Variants in OR6Y1 observed in about 807,000 individuals in gnomAD.
OR6Y1 encodes the protein olfactory receptor 6Y1.
Under a neutral mutation model 0.4 loss-of-function variants are expected in OR6Y1, and 1 was observed. The observed-to-expected ratio is 2.74, with a 90% CI of 0.97 to 13.02. The LOEUF (loss-of-function observed/expected upper bound fraction) is 13.02. Ranked by LOEUF, OR6Y1 falls within the 30% of genes most tolerant of loss-of-function variation. The pLI, the probability that OR6Y1 is intolerant of heterozygous loss-of-function variation, is 0.12. For missense variants in OR6Y1, 480 were observed against 399.8 expected (o/e 1.20, Z -1.71); for synonymous variants, 173 against 141.1 (o/e 1.23, Z -1.60).
Position 158,544,563 on chromosome 1 carries a change from G to A in OR6Y1, c.*2565C>T, listed in dbSNP as rs958591715. ...AATTTAACTTTTATTTTAAGTTCAGGGGTACATGTGTAGGTTTATTATATA... is the reference window on the plus strand; with the variant it reads ...AATTTAACTTTTATTTTAAGTTCAGAGGTACATGTGTAGGTTTATTATATA... On this transcript the variant is annotated 3_prime_UTR_variant, in exon 2 of 2. Coordinates refer to ENST00000641622, the MANE Select transcript of OR6Y1 (RefSeq NM_001005189.2). 5 of 151,942 alleles carry A rather than the reference G, an allele frequency of 3.3e-5. No homozygotes were observed. The highest frequency in any genetic ancestry group is 7.3e-5 in the African/African-American group (3 of 41,364). The allele number at this position is 151,942 out of a possible 1,614,324, so 9.4% of individuals were successfully genotyped here. A position where few individuals can be genotyped will look rare whatever the true frequency, so the allele number is the denominator to read the frequency against.
rs1647591366 is a variant in OR6Y1 at position 158,547,787 on chromosome 1, A to G, written c.319T>C (p.Tyr107His). The part of the protein sequence containing the change: ...ISFNGCMTQL[Y>H]FFVTFVCTEY... Reference sequence around the variant, plus strand: ...GTGCAGACAAAGGTCACAAAAAAGTAAAGTTGAGTCATGCAGCCATTGAAG... The same window carrying G: ...GTGCAGACAAAGGTCACAAAAAAGTGAAGTTGAGTCATGCAGCCATTGAAG... The change falls in exon 2 of 2, where the codon TAC (tyrosine) becomes CAC (histidine). Residue 107 changes from tyrosine (Y) to histidine (H), a missense_variant. By Grantham distance (83) the Tyr-to-His change is moderately conservative. Transcript: ENST00000641622. The G allele has an allele frequency of 1.2e-6, 2 of 1,613,428 alleles. No individual in the cohort carries two copies. Among genetic ancestry groups the G allele is most frequent in the African/African-American group, 1.3e-5 (1 of 74,382 alleles).
At position 158,548,838 on chromosome 1, in the gene OR6Y1, T is replaced by A. The variant is rs1259937787; in HGVS notation, c.-733A>T. On this transcript the variant is annotated 5_prime_UTR_variant, in exon 2 of 2. Coordinates refer to ENST00000641622, the MANE Select transcript of OR6Y1 (RefSeq NM_001005189.2). ...GAGAGTACCACATAATCTTTTAGAA[T>A]ATTAGTTACTTTATTTCTAAAATGG... 2.6e-5 allele frequency: 4 copies of A among 151,884 alleles called. No homozygotes were observed. The highest frequency in any genetic ancestry group is 9.7e-5 in the African/African-American group (4 of 41,154). 9.4% of individuals were successfully genotyped at this position (151,884 alleles called of 1,614,324 possible).
In OR6Y1 at chr1:158,548,189, A is replaced by C; in HGVS notation, c.-84T>G. On this transcript the variant is annotated 5_prime_UTR_variant, in exon 2 of 2. Coordinates refer to ENST00000641622, the MANE Select transcript of OR6Y1 (RefSeq NM_001005189.2). Reference sequence around the variant, plus strand: ...GTTATTTGTATTGATAGAGCCCACCACCAGCAAATTTATCACAATAGGAGG... The same window carrying C: ...GTTATTTGTATTGATAGAGCCCACCCCCAGCAAATTTATCACAATAGGAGG... 1 of 1,395,104 alleles carries C rather than the reference A, an allele frequency of 7.2e-7. No individual in the cohort carries two copies. Among genetic ancestry groups the C allele is most frequent in the South Asian group, 1.4e-5 (1 of 71,016 alleles). The allele number at this position is 1,395,104 out of a possible 1,614,324, so 86.4% of individuals were successfully genotyped here. A position where few individuals can be genotyped will look rare whatever the true frequency, so the allele number is the denominator to read the frequency against.
chr1:158,553,358 A>G (rs1647748585), intron 1 of OR6Y1, among the ~76,000 whole-genome samples: 1 of 152,114 alleles, frequency 6.6e-6, no homozygotes, highest in Admixed American at 6.5e-5. Context: ...CTGTAGGATG[A>G]CTGTAGTTAA....
Position 158,547,768 on chromosome 1 carries a change from A to G in OR6Y1, c.338T>C (p.Val113Ala), listed in dbSNP as rs111273908. The part of the protein sequence containing the change: ...MTQLYFFVTF[V>A]CTEYILLAIM... ...AGCAAGAAGGATGTACTCAGTGCAG[A>G]CAAAGGTCACAAAAAAGTAAAGTTG... The change falls in exon 2 of 2, where the codon GTC becomes GCC. Residue 113 changes from valine to alanine, a missense_variant. Coordinates refer to ENST00000641622, the MANE Select transcript of OR6Y1 (RefSeq NM_001005189.2). The G allele has an allele frequency of 1.3e-4, 208 of 1,613,590 alleles. 3 individuals are homozygous for G. The African/African-American group carries it at 2.4e-3, about 18-fold the overall frequency.
chr1:158,545,863 C>A lies in OR6Y1; in HGVS notation c.*1265G>T, dbSNP rs1647515636. 1 of 151,954 alleles carries A rather than the reference C, an allele frequency of 6.6e-6. No homozygotes were observed. The highest frequency in any genetic ancestry group is 1.5e-5 in the Non-Finnish European group (1 of 67,988). The allele number at this position is 151,954 out of a possible 1,614,324, so 9.4% of individuals were successfully genotyped here. A position where few individuals can be genotyped will look rare whatever the true frequency, so the allele number is the denominator to read the frequency against. On this transcript the variant is annotated 3_prime_UTR_variant, in exon 2 of 2. Transcript: ENST00000641622. ...AAAAATTGCTGAGGTTTATTGGCTC[C>A]AGTATTAGTTTCCTAGGGCTGCCAT...
rs1031815861 is a variant in OR6Y1 at position 158,546,272 on chromosome 1, C to T, written c.*856G>A. On this transcript the variant is annotated 3_prime_UTR_variant, in exon 2 of 2. Coordinates refer to ENST00000641622, the MANE Select transcript of OR6Y1 (RefSeq NM_001005189.2). ...GAGAGACTGGGGTTAGGACAACATA[C>T]TTTTTTGGAGGGAGGGAGGAGTGGG... is the stretch of plus-strand genomic sequence containing the variant. 6.6e-6 allele frequency: 1 copy of T among 152,102 alleles called. No homozygotes were observed. The highest frequency in any genetic ancestry group is 2.4e-5 in the African/African-American group (1 of 41,418). 9.4% of individuals were successfully genotyped at this position (152,102 alleles called of 1,614,324 possible). A position where few individuals can be genotyped will look rare whatever the true frequency, so the allele number is the denominator to read the frequency against.
In OR6Y1 at chr1:158,547,257, G is replaced by A; in HGVS notation, c.849C>T (p.Tyr283=). 13 of 1,613,738 alleles carry A rather than the reference G, an allele frequency of 8.1e-6. No homozygotes were observed. Among genetic ancestry groups the A allele is most frequent in the Non-Finnish European group, 1.1e-5 (13 of 1,179,984 alleles). Residue 283 remains tyrosine, a synonymous_variant, in exon 2 of 2, where the codon TAC becomes TAT. Transcript: ENST00000641622. ...GGTTGAGGAGTGGAACAATGACAGT[G>A]TAGAGAACAGATACCACTTTGTTGG... ...YNSNKVVSVL[Y]TVIVPLLNPI...
chr1:158,546,520 T>C lies in OR6Y1; in HGVS notation c.*608A>G, dbSNP rs112320335. On this transcript the variant is annotated 3_prime_UTR_variant, in exon 2 of 2. Transcript: ENST00000641622. Reference sequence around the variant, plus strand: ...TTTGTTTTTAAACGCCTTAACAAATTAGTCATTTATGTTATTTGGAGGGAA... The same window carrying C: ...TTTGTTTTTAAACGCCTTAACAAATCAGTCATTTATGTTATTTGGAGGGAA... The C allele has an allele frequency of 1.3e-5, 2 of 152,252 alleles. No homozygotes were observed. The highest frequency in any genetic ancestry group is 4.8e-5 in the African/African-American group (2 of 41,554). 9.4% of individuals were successfully genotyped at this position (152,252 alleles called of 1,614,324 possible). A position where few individuals can be genotyped will look rare whatever the true frequency, so the allele number is the denominator to read the frequency against.
In OR6Y1 at chr1:158,548,243, G is replaced by A; in HGVS notation, c.-138C>T. The A allele has an allele frequency of 1.3e-6, 1 of 766,516 alleles. No individual in the cohort carries two copies. Among genetic ancestry groups the A allele is most frequent in the Non-Finnish European group, 2.1e-6 (1 of 483,142 alleles). The allele number at this position is 766,516 out of a possible 1,614,324, so 47.5% of individuals were successfully genotyped here. On this transcript the variant is annotated 5_prime_UTR_variant, in exon 2 of 2. An upstream open reading frame in the 5' UTR gains an earlier in-frame stop. Transcript: ENST00000641622. ...CTGCTTTTTTATCTTACTGCCTCTTGAATTATGAAGAGAACCAAAGCTTTT... is the reference window on the plus strand; with the variant it reads ...CTGCTTTTTTATCTTACTGCCTCTTAAATTATGAAGAGAACCAAAGCTTTT...
rs753757437 is a variant in OR6Y1, at chr1:158,547,726, C to T, written c.380G>A (p.Arg127His). The T allele has an allele frequency of 1.6e-5, 26 of 1,613,322 alleles. 2 individuals carry two copies. The highest frequency in any genetic ancestry group is 1.5e-4 in the African/African-American group (11 of 74,358). The change falls in exon 2 of 2, where the codon CGC (arginine) becomes CAC (histidine). Residue 127 changes from arginine to histidine, a missense_variant. Coordinates refer to ENST00000641622, the MANE Select transcript of OR6Y1 (RefSeq NM_001005189.2). ...YILLAIMAFD[R>H]YVAICNPLRY... ...TAGTGGATTACAAATGGCTACATAG[C>T]GGTCAAAGGCCATGATAGCAAGAAG...
In OR6Y1 at chr1:158,548,415, C is replaced by A. The variant is rs1286567222; in HGVS notation, c.-310G>T. 1 of 227,400 alleles carries A rather than the reference C, an allele frequency of 4.4e-6. No homozygotes were observed. The highest frequency in any genetic ancestry group is 8.6e-6 in the Non-Finnish European group (1 of 115,666). The allele number at this position is 227,400 out of a possible 1,614,324, so 14.1% of individuals were successfully genotyped here. Reference sequence around the variant, plus strand: ...TTTACCAATATATCACTTTTGGGCACATAAATGGTCTCCAGACCACCCTTT... The same window carrying A: ...TTTACCAATATATCACTTTTGGGCAAATAAATGGTCTCCAGACCACCCTTT... On this transcript the variant is annotated 5_prime_UTR_variant, in exon 2 of 2. An upstream start codon of the reference 5' UTR is lost. Coordinates refer to ENST00000641622, the MANE Select transcript of OR6Y1 (RefSeq NM_001005189.2).
At chr1:158,550,957 A>G (rs1447399345) in intron 1 of OR6Y1, among the ~76,000 whole-genome samples, 1 of 151,904 alleles carries the variant, frequency 6.6e-6, no homozygotes, top group Non-Finnish European at 1.5e-5. Context: ...ATTAGCACCA[A>G]TGTCACAGTG....
In OR6Y1 at chr1:158,550,607, TGTTAAA is replaced by T. The variant is rs543029852; in HGVS notation, c.-1432-1076_-1432-1071del. ...ATATATAGAATTATATTTTGATAAG[TGTTAAA>T]GTTAATGTATAAAGAGGTAGAGTGC... On this transcript the variant is annotated intron_variant, in intron 1 of 1. Transcript: ENST00000641622. Among the ~76,000 whole-genome samples, 48 of 151,680 alleles carry T rather than the reference TGTTAAA, an allele frequency of 3.2e-4. 1 individual carries two copies. In the East Asian group the frequency reaches 6.6e-3, roughly 21 times the overall value.
chr1:158,551,088 G>A (rs1647692194), intron 1 of OR6Y1, among the ~76,000 whole-genome samples: 1 of 150,528 alleles, frequency 6.6e-6, no homozygotes, highest in African/African-American at 2.5e-5. Flanking sequence ...TTGTGTATGA[G>A]TATGTAGAGG....
chr1:158,551,098 G>T (rs1182715575), intron 1 of OR6Y1, among the ~76,000 whole-genome samples: 1 of 148,186 alleles, frequency 6.7e-6, no homozygotes, highest in African/African-American at 2.6e-5. Flanking sequence ...GTATGTAGAG[G>T]ATGATCTATG....
At position 158,549,449 on chromosome 1, in the gene OR6Y1, T is replaced by C. The variant is rs1165835809; in HGVS notation, c.-1344A>G. The C allele has an allele frequency of 6.6e-6, 1 of 151,056 alleles. No homozygotes were observed. Among genetic ancestry groups the C allele is most frequent in the Non-Finnish European group, 1.5e-5 (1 of 67,954 alleles). The allele number at this position is 151,056 out of a possible 1,614,324, so 9.4% of individuals were successfully genotyped here. ...ACTAGGGGATGGTTTTTTTTTTTTT[T>C]TAAGGAATGATCATGAGGTTGCAGA... On this transcript the variant is annotated 5_prime_UTR_variant, in exon 2 of 2. The change abolishes the stop of an existing upstream ORF in the 5' untranslated region. Coordinates refer to ENST00000641622, the MANE Select transcript of OR6Y1 (RefSeq NM_001005189.2).
chr1:158,552,510 G>T (rs771514539), intron 1 of OR6Y1, among the ~76,000 whole-genome samples: 4 of 152,046 alleles, frequency 2.6e-5, no homozygotes, highest in Non-Finnish European at 1.5e-5. Flanking sequence ...CCCACAGCTA[G>T]TGGGCAATGA....
At position 158,547,576 on chromosome 1, in the gene OR6Y1, G is replaced by C; in HGVS notation, c.530C>G (p.Pro177Arg). 2.5e-6 allele frequency: 4 copies of C among 1,613,276 alleles called. No homozygotes were observed. The highest frequency in any genetic ancestry group is 3.4e-6 in the Non-Finnish European group (4 of 1,179,922). ...FIAQLHYCGMPQINHYFCDIS... is the reference protein window; with the variant it reads ...FIAQLHYCGMRQINHYFCDIS... ...ATCACAAAAGTAGTGATTGATCTGA[G>C]GCATGCCACAGTAGTGAAGTTGTGC... The change falls in exon 2 of 2, where the codon CCT becomes CGT. Residue 177 changes from proline to arginine, a missense_variant. Coordinates refer to ENST00000641622, the MANE Select transcript of OR6Y1 (RefSeq NM_001005189.2).
Sources: gnomAD v4.1 joint callset for allele counts (sites outside exome capture counted in the v4.1 genomes callset) on GRCh38, gnomAD v4.1.1 for gene constraint, MANE v1.5 for transcripts, NCBI Gene and HGNC (gene_info 2026-07-23, HGNC 2026-07-21) for gene names.